The following CAST variants were observed in gnomAD, a reference collection of about 807,000 sequenced individuals.
CAST encodes the protein calpastatin.
In CAST, 76 loss-of-function variants were observed where a neutral mutation model predicts 119.6. That is an observed-to-expected ratio of 0.64 (90% CI 0.53 to 0.77). The LOEUF (loss-of-function observed/expected upper bound fraction) is 0.77. Among genes scored for constraint, CAST ranks in the 30% least tolerant of loss-of-function variants. The pLI is 0.00. For missense variants in CAST, 953 were observed against 946.5 expected, an observed-to-expected ratio of 1.01 and a Z score of -0.09; for synonymous variants, 319 against 331.6, an observed-to-expected ratio of 0.96 and a Z score of 0.41.
At chr5:96,054,331 T>C in the CAST span, among the ~76,000 whole-genome samples, 2 of 152,124 alleles carry the variant, frequency 1.3e-5, no homozygotes, top group African/African-American at 4.8e-5. Context: ...CAGCACACTG[T>C]AGCTTTGAAC....
chr5:96,341,136 A>G, the CAST span, among the ~76,000 whole-genome samples: 2 of 152,218 alleles, frequency 1.3e-5, no homozygotes, highest in Admixed American at 6.5e-5. Flanking sequence ...CAGCATGTAA[A>G]TAATCATGAT....
chr5:96,219,135 T>C, the CAST span, among the ~76,000 whole-genome samples: 1 of 152,188 alleles, frequency 6.6e-6, no homozygotes, highest in Non-Finnish European at 1.5e-5. Context: ...TCATGGCCCA[T>C]GTGGTGAATT....
At chr5:96,189,281 G>C in the CAST span, among the ~76,000 whole-genome samples, 1 of 152,146 alleles carries the variant, frequency 6.6e-6, no homozygotes, top group Admixed American at 6.5e-5. Flanking sequence ...GTGAGGGGGA[G>C]GGCTAGGTGG....
chr5:96,447,745 A>G, the CAST span, among the ~76,000 whole-genome samples: 1 of 152,134 alleles, frequency 6.6e-6, no homozygotes, highest in African/African-American at 2.4e-5. Flanking sequence ...TGCCTACTCA[A>G]GCATGTGGGA....
At chr5:96,494,053 C>A in the CAST span, among the ~76,000 whole-genome samples, 2,341 of 152,068 alleles carry the variant, frequency 0.015, 41 homozygotes, top group African/African-American at 0.04. Flanking sequence ...AACTAACTAA[C>A]TAAATAAATA....
intron 26 of CAST, among the ~76,000 whole-genome samples, chr5:96,765,552 G>C (rs1380957170): frequency 6.6e-6 from 1 of 152,088 alleles, no homozygotes; most frequent in African/African-American, 2.4e-5. Context: ...CTGGGAGGTA[G>C]GTGTGGGGTA....
chr5:96,052,571 G>T, the CAST span, among the ~76,000 whole-genome samples: 1 of 152,144 alleles, frequency 6.6e-6, no homozygotes, highest in Non-Finnish European at 1.5e-5. Flanking sequence ...CTACATCTCT[G>T]CCAACACTGG....
chr5:96,150,777 G>A, the CAST span, among the ~76,000 whole-genome samples: 4 of 152,174 alleles, frequency 2.6e-5, no homozygotes, highest in East Asian at 1.9e-4. Context: ...GGACCAACCC[G>A]AAAGACTATT....
the CAST span, among the ~76,000 whole-genome samples, chr5:95,962,997 A>G: frequency 6.6e-6 from 1 of 152,124 alleles, no homozygotes; most frequent in East Asian, 1.9e-4. Flanking sequence ...CCTAATCTGG[A>G]GTCCCTTTCA....
intron 1 of CAST, among the ~76,000 whole-genome samples, chr5:96,618,507 T>A (rs1747517190): frequency 6.6e-6 from 1 of 152,162 alleles, no homozygotes; most frequent in Admixed American, 6.5e-5. Context: ...CAGGGAGGTG[T>A]GGAGGGAGAC....
chr5:96,467,284 G>A, the CAST span, among the ~76,000 whole-genome samples: 1 of 151,814 alleles, frequency 6.6e-6, no homozygotes, highest in African/African-American at 2.4e-5. Flanking sequence ...TATATAAGTT[G>A]TCTTTTGACT....
the CAST span, among the ~76,000 whole-genome samples, chr5:96,146,439 A>G: frequency 6.6e-6 from 1 of 152,260 alleles, no homozygotes; most frequent in East Asian, 1.9e-4. Context: ...TTTCTGATTC[A>G]GCAGGCCTCA....
chr5:96,677,026 C>T (rs989844242), intron 2 of CAST, among the ~76,000 whole-genome samples: 11 of 149,910 alleles, frequency 7.3e-5, no homozygotes, highest in African/African-American at 2.7e-4. Flanking sequence ...TGCACTCCAG[C>T]TGGGTGACAA....
chr5:96,731,548 T>A (rs1401909204), intron 9 of CAST, among the ~76,000 whole-genome samples: 18 of 149,018 alleles, frequency 1.2e-4, no homozygotes, highest in South Asian at 2.2e-4. Context: ...CATGTGCACA[T>A]TGTGCAGGTT....
the CAST span, among the ~76,000 whole-genome samples, chr5:96,194,257 G>C: frequency 6.6e-6 from 1 of 152,158 alleles, no homozygotes; most frequent in Non-Finnish European, 1.5e-5. Flanking sequence ...TTCCAAACCT[G>C]CATAATCATT....
chr5:96,155,157 A>T, the CAST span, among the ~76,000 whole-genome samples: 1 of 152,198 alleles, frequency 6.6e-6, no homozygotes, highest in South Asian at 2.1e-4. Flanking sequence ...CAGAGCCAGC[A>T]TTATATCTAA....
intron 3 of CAST, among the ~76,000 whole-genome samples, chr5:96,703,083 G>A (rs562790363): frequency 2.2e-4 from 33 of 152,272 alleles, no homozygotes; most frequent in African/African-American, 7.9e-4. Context: ...GATACCGTGC[G>A]TTCTGAGTTT....
chr5:96,753,063 G>T (rs1001621696), intron 20 of CAST, among the ~76,000 whole-genome samples: 6 of 150,388 alleles, frequency 4.0e-5, no homozygotes, highest in African/African-American at 1.2e-4. Context: ...GCATGATCTC[G>T]GCTCACTGCA....
At chr5:96,391,017 T>C in the CAST span, 1 of 152,614 alleles carries the variant, frequency 6.6e-6, no homozygotes, top group Admixed American at 6.5e-5. Flanking sequence ...TCATTCTAAC[T>C]CTTTATTGGC....
Sources: gnomAD v4.1 joint callset for allele counts (sites outside exome capture counted in the v4.1 genomes callset) on GRCh38, gnomAD v4.1.1 for gene constraint, MANE v1.5 for transcripts, NCBI Gene and HGNC (gene_info 2026-07-23, HGNC 2026-07-21) for gene names.